WRNIP1: variants seen among roughly 807,000 people sequenced by gnomAD.
The protein encoded by WRNIP1 is WRN helicase interacting protein 1, also known as ATPase WRNIP1.
In WRNIP1, 41 loss-of-function variants were observed where a neutral mutation model predicts 56.1. The observed-to-expected ratio is 0.73, with a 90% confidence interval of 0.57 to 0.95. WRNIP1 has a LOEUF of 0.95. WRNIP1 is among the 40% of genes least tolerant of loss of function. The probability of loss-of-function intolerance (pLI) is 0.00; values close to 1 mark genes in which losing one functional copy is unlikely to be tolerated. For synonymous variants in WRNIP1, 547 were observed against 398.1 expected, an observed-to-expected ratio of 1.37 and a Z score of -4.45; for missense variants, 1,170 against 939.4, an observed-to-expected ratio of 1.25 and a Z score of -3.21.
chr6:2,780,134 G>A (rs1381657127), intron 4 of WRNIP1, among the ~76,000 whole-genome samples: 1 of 152,188 alleles, frequency 6.6e-6, no homozygotes, highest in Admixed American at 6.5e-5. Flanking sequence ...TTTTATAAAA[G>A]AAGTGGGAGA....
At chr6:2,780,509 C>G (rs1025532942) in intron 4 of WRNIP1, among the ~76,000 whole-genome samples, 2 of 152,142 alleles carry the variant, frequency 1.3e-5, no homozygotes, top group Admixed American at 1.3e-4. Flanking sequence ...GACACACTGG[C>G]AAGTTGAATA....
At position 2,779,341 on chromosome 6, in the gene WRNIP1, C is replaced by T. The variant is rs758724607; in HGVS notation, c.1335C>T (p.Asn445=). Residue 445 remains asparagine, a synonymous_variant, in exon 4 of 7, where the codon AAC becomes AAT. Transcript: ENST00000380773. ...LSDGDARAGL[N]GLQLAVLARL... ...ACGGTGACGCCCGAGCTGGGTTGAA[C>T]GGACTGCAGCTGGCGGTGCTGGCTA... 2.4e-5 allele frequency: 38 copies of T among 1,614,174 alleles called. No individual in the cohort carries two copies. The highest frequency in any genetic ancestry group is 4.5e-5 in the East Asian group (2 of 44,878).
chr6:2,774,286 G>A, intron 3 of WRNIP1: 1 of 985,380 alleles, frequency 1.0e-6, no homozygotes, highest in Non-Finnish European at 1.2e-6. Flanking sequence ...TCCTGTGGCT[G>A]CTGTAACAAT....
In WRNIP1 at chr6:2,765,928, C is replaced by T. The variant is rs760068031; in HGVS notation, c.306C>T (p.Gly102=). Residue 102 remains glycine, a synonymous_variant, in exon 1 of 7, where the codon GGC becomes GGT. Transcript: ENST00000380773. ...GCGAGGGTGAGGAGGGCGACGACGG[C>T]GGCGAGACCGAGAGCCGCGAGAGCT... ...SEGEGEEGDD[G]GETESRESYD... The T allele has an allele frequency of 6.9e-7, 1 of 1,450,768 alleles. No individual in the cohort carries two copies. Among genetic ancestry groups the T allele is most frequent in the South Asian group, 1.3e-5 (1 of 75,286 alleles). The allele number at this position is 1,450,768 out of a possible 1,614,324, so 89.9% of individuals were successfully genotyped here.
intron 4 of WRNIP1, among the ~76,000 whole-genome samples, chr6:2,781,566 G>A (rs17135709): frequency 3.9e-5 from 6 of 152,084 alleles, no homozygotes; most frequent in African/African-American, 1.4e-4. Context: ...GATTATTTTT[G>A]TATATGCCAC....
chr6:2,785,189 C>G lies in WRNIP1; in HGVS notation c.1905C>G (p.Tyr635Ter), dbSNP rs374673882. Residue 635 changes from tyrosine (Y) to a stop codon, truncating the protein, a stop_gained, in exon 7 of 7, where the codon TAC becomes TAG. Coordinates refer to ENST00000380773, the MANE Select transcript of WRNIP1 (RefSeq NM_020135.3). LOFTEE classifies it high-confidence loss of function. Reference protein sequence around the residue: ...LMKDLGYGKGYKYNPMYSEPV... With the variant: ...LMKDLGYGKG ...AGGATTTGGGCTATGGCAAAGGCTA[C>G]AAGTACAACCCCATGTACAGCGAGC... 2 of 1,614,172 alleles carry G rather than the reference C, an allele frequency of 1.2e-6. No homozygotes were observed. The highest frequency in any genetic ancestry group is 1.7e-6 in the Non-Finnish European group (2 of 1,180,028).
intron 3 of WRNIP1, among the ~76,000 whole-genome samples, chr6:2,770,953 A>G (rs967278279): frequency 2.6e-5 from 4 of 152,202 alleles, no homozygotes; most frequent in African/African-American, 4.8e-5. Flanking sequence ...TTAGTGACCT[A>G]TTTCTGCATC....
At chr6:2,772,456 T>C (rs1212522240) in intron 3 of WRNIP1, among the ~76,000 whole-genome samples, 1 of 152,210 alleles carries the variant, frequency 6.6e-6, no homozygotes, top group Non-Finnish European at 1.5e-5. Context: ...TGGCACACAT[T>C]ATGTGCTTTG....
chr6:2,785,373 A>G lies in WRNIP1; in HGVS notation c.*91A>G. ...GATTGCAAAGTTGGTTGCCTGGTGGAAGTTAGAACAGACCAACATTTTGTG... is the reference window on the plus strand; with the variant it reads ...GATTGCAAAGTTGGTTGCCTGGTGGGAGTTAGAACAGACCAACATTTTGTG... On this transcript the variant is annotated 3_prime_UTR_variant, in exon 7 of 7. Coordinates refer to ENST00000380773, the MANE Select transcript of WRNIP1 (RefSeq NM_020135.3). The G allele has an allele frequency of 6.9e-7, 1 of 1,452,584 alleles. No homozygotes were observed. 90.0% of individuals were successfully genotyped at this position (1,452,584 alleles called of 1,614,324 possible).
chr6:2,774,197 T>C (rs1765379464), intron 3 of WRNIP1: 1 of 985,304 alleles, frequency 1.0e-6, no homozygotes, highest in Admixed American at 6.1e-5. Context: ...ATAGCTGTTT[T>C]AATACAAGGG....
chr6:2,767,102 A>G (rs924302232), intron 1 of WRNIP1, among the ~76,000 whole-genome samples: 3 of 152,208 alleles, frequency 2.0e-5, no homozygotes, highest in Non-Finnish European at 4.4e-5. Context: ...CTTGTACTCT[A>G]GAGAAGAAAC....
chr6:2,782,005 CAA>C (rs1258071126), intron 4 of WRNIP1, among the ~76,000 whole-genome samples: 6 of 152,334 alleles, frequency 3.9e-5, no homozygotes, highest in African/African-American at 1.4e-4. Context: ...CTGGCATTGA[CAA>C]AGTGGGAAAA....
At chr6:2,767,995 G>C (rs556020029) in intron 1 of WRNIP1, among the ~76,000 whole-genome samples, 1 of 152,316 alleles carries the variant, frequency 6.6e-6, no homozygotes, top group Non-Finnish European at 1.5e-5. Flanking sequence ...ACAGTCTTCA[G>C]TTTTTCTTCT....
At chr6:2,767,966 G>A (rs1347292338) in intron 1 of WRNIP1, among the ~76,000 whole-genome samples, 1 of 152,200 alleles carries the variant, frequency 6.6e-6, no homozygotes, top group Admixed American at 6.5e-5. Flanking sequence ...TTTAGGTGCA[G>A]ATTTGTCACA....
At chr6:2,781,570 A>G (rs1765562321) in intron 4 of WRNIP1, among the ~76,000 whole-genome samples, 1 of 152,184 alleles carries the variant, frequency 6.6e-6, no homozygotes, top group African/African-American at 2.4e-5. Context: ...ATTTTTGTAT[A>G]TGCCACCTAG....
intron 3 of WRNIP1, among the ~76,000 whole-genome samples, chr6:2,776,829 A>G (rs1311999896): frequency 6.6e-6 from 1 of 152,224 alleles, no homozygotes; most frequent in Non-Finnish European, 1.5e-5. Context: ...AGACAAATTC[A>G]TGGAGAAGGG....
chr6:2,780,356 G>T (rs1332564839), intron 4 of WRNIP1, among the ~76,000 whole-genome samples: 3 of 152,194 alleles, frequency 2.0e-5, no homozygotes. Flanking sequence ...AGGGGTGGAG[G>T]GGCTTAAGAA....
At chr6:2,779,529 G>T in intron 4 of WRNIP1, 37 bp downstream of exon 4, 1 of 1,581,068 alleles carries the variant, frequency 6.3e-7, no homozygotes, top group East Asian at 2.3e-5. Flanking sequence ...GAAACCATAC[G>T]GAAAGAAGTG....
chr6:2,784,761 G>A (rs1765669573), intron 6 of WRNIP1, among the ~76,000 whole-genome samples: 1 of 151,782 alleles, frequency 6.6e-6, no homozygotes, highest in Admixed American at 6.6e-5. Flanking sequence ...AAAATTTAAT[G>A]TAGTAAAAAG....
Sources: gnomAD v4.1 joint callset for allele counts (sites outside exome capture counted in the v4.1 genomes callset) on GRCh38, gnomAD v4.1.1 for gene constraint, MANE v1.5 for transcripts, NCBI Gene and HGNC (gene_info 2026-07-23, HGNC 2026-07-21) for gene names.